Variants in GPR39 observed in about 807,000 individuals in gnomAD.
GPR39 encodes the protein G protein-coupled receptor 39.
GPR39 carries 23 observed loss-of-function variants against 18.4 expected under a neutral mutation model. The ratio of observed to expected loss-of-function variants is 1.25; its 90% CI spans 0.90 to 1.77. The LOEUF is 1.77. Ranked by LOEUF, GPR39 falls within the 40% of genes most tolerant of loss-of-function variation. GPR39 has a pLI of 0.00. For missense variants in GPR39, 647 were observed against 602.4 expected (o/e 1.07, Z -0.78); for synonymous variants, 280 against 257.9 (o/e 1.09, Z -0.82).
chr2:132,573,347 T>G (rs1680475631), intron 1 of GPR39, among the ~76,000 whole-genome samples: 1 of 152,120 alleles, frequency 6.6e-6, no homozygotes, highest in Non-Finnish European at 1.5e-5. Context: ...TGTTTCTCAT[T>G]TTGTTGACCA....
intron 1 of GPR39, among the ~76,000 whole-genome samples, chr2:132,518,193 A>C (rs1183639142): frequency 6.6e-6 from 1 of 152,176 alleles, no homozygotes; most frequent in Non-Finnish European, 1.5e-5. Flanking sequence ...AATAATCATA[A>C]TTTTATTATA....
At chr2:132,614,916 A>G (rs976833155) in intron 1 of GPR39, among the ~76,000 whole-genome samples, 14 of 152,134 alleles carry the variant, frequency 9.2e-5, no homozygotes, top group Admixed American at 7.9e-4. Context: ...TACTCCAATA[A>G]TCAAGACCAC....
intron 1 of GPR39, among the ~76,000 whole-genome samples, chr2:132,503,423 C>T (rs1290535848): frequency 1.3e-5 from 2 of 152,158 alleles, no homozygotes; most frequent in African/African-American, 2.4e-5. Context: ...TGATATGACC[C>T]GTCTTCAGAT....
chr2:132,557,400 G>A (rs10928428), intron 1 of GPR39, among the ~76,000 whole-genome samples: 79,944 of 152,010 alleles, frequency 0.53, 22,012 homozygotes, highest in East Asian at 0.91. Flanking sequence ...GACAAAATAA[G>A]CACTAAGCAT....
At chr2:132,602,596 G>C (rs571622145) in intron 1 of GPR39, among the ~76,000 whole-genome samples, 1 of 152,162 alleles carries the variant, frequency 6.6e-6, no homozygotes, top group African/African-American at 2.4e-5. Context: ...TGGGTGAAGA[G>C]AAAACCTGTA....
chr2:132,570,212 C>G (rs1680418772), intron 1 of GPR39, among the ~76,000 whole-genome samples: 1 of 152,090 alleles, frequency 6.6e-6, no homozygotes, highest in African/African-American at 2.4e-5. Context: ...CACCTTTATC[C>G]AGGCTTCAAC....
rs372488372 is a variant in GPR39 at position 132,568,197 on chromosome 2, C to T, written c.857-76904C>T. Among the ~76,000 whole-genome samples the T allele has an allele frequency of 7.0e-4, 107 of 152,190 alleles. 1 individual carries two copies. Among genetic ancestry groups the T allele is most frequent in the Middle Eastern group, 3.4e-3 (1 of 294 alleles). On this transcript the variant is annotated intron_variant, in intron 1 of 1. Transcript: ENST00000329321. ...GATAGGGCAAACAATGCCAGTTTGGCAGATGAAACATGAGAATGCAGGGAT... is the reference window on the plus strand; with the variant it reads ...GATAGGGCAAACAATGCCAGTTTGGTAGATGAAACATGAGAATGCAGGGAT...
intron 1 of GPR39, among the ~76,000 whole-genome samples, chr2:132,635,717 C>T (rs751220124): frequency 1.1e-4 from 16 of 152,128 alleles, no homozygotes; most frequent in Non-Finnish European, 5.9e-5. Flanking sequence ...GTGTCCCTCT[C>T]AAGTCATACA....
rs1358062143 is a variant in GPR39, at chr2:132,417,726, C to CG, written c.685dup (p.Val229GlyfsTer178). The CG allele has an allele frequency of 6.2e-7, 1 of 1,614,106 alleles. No homozygotes were observed. Among genetic ancestry groups the CG allele is most frequent in the Non-Finnish European group, 8.5e-7 (1 of 1,180,056 alleles). ...TCCAGTCCAGCATCTTCGGCGCCTT[C>CG]GTGGTCTACCTCGTGGTCCTGCTCT... On this transcript the variant is annotated frameshift_variant, in exon 1 of 2. Transcript: ENST00000329321. LOFTEE classifies it high-confidence loss of function.
At chr2:132,624,930 T>G (rs1558862891) in intron 1 of GPR39, among the ~76,000 whole-genome samples, 1 of 152,194 alleles carries the variant, frequency 6.6e-6, no homozygotes, top group East Asian at 1.9e-4. Flanking sequence ...CCCTTTTCTC[T>G]TTGCATATAC....
At chr2:132,618,535 G>A (rs1490326296) in intron 1 of GPR39, among the ~76,000 whole-genome samples, 1 of 152,150 alleles carries the variant, frequency 6.6e-6, no homozygotes, top group African/African-American at 2.4e-5. Context: ...GGGACAAAGA[G>A]TGAAGAAGAG....
chr2:132,442,964 G>C (rs1302488202), intron 1 of GPR39, among the ~76,000 whole-genome samples: 1 of 152,098 alleles, frequency 6.6e-6, no homozygotes, highest in Non-Finnish European at 1.5e-5. Context: ...TTTTTAAATG[G>C]TTAATAAGAT....
intron 1 of GPR39, among the ~76,000 whole-genome samples, chr2:132,621,610 G>C (rs569693644): frequency 6.6e-6 from 1 of 152,300 alleles, no homozygotes; most frequent in South Asian, 2.1e-4. Context: ...CACTTGTCAA[G>C]TTGCCATTTT....
At chr2:132,446,358 A>G (rs781003095) in intron 1 of GPR39, among the ~76,000 whole-genome samples, 16 of 152,224 alleles carry the variant, frequency 1.1e-4, no homozygotes, top group African/African-American at 3.6e-4. Flanking sequence ...AAAGACAGAC[A>G]CGCACATAAA....
intron 1 of GPR39, among the ~76,000 whole-genome samples, chr2:132,610,581 A>G (rs1681220530): frequency 6.6e-6 from 1 of 152,020 alleles, no homozygotes; most frequent in South Asian, 2.1e-4. Context: ...GTTCAAGACC[A>G]GTGTGGCCAA....
chr2:132,557,602 A>T (rs1680176888), intron 1 of GPR39, among the ~76,000 whole-genome samples: 1 of 151,706 alleles, frequency 6.6e-6, no homozygotes, highest in South Asian at 2.1e-4. Context: ...TGAGAGAGAG[A>T]GAGAGAGAGA....
At chr2:132,622,558 A>G (rs1223686289) in intron 1 of GPR39, among the ~76,000 whole-genome samples, 3 of 152,222 alleles carry the variant, frequency 2.0e-5, no homozygotes, top group Non-Finnish European at 4.4e-5. Flanking sequence ...CAGAAATTGC[A>G]GGTAAAGCCA....
At chr2:132,440,739 A>G (rs1367476445) in intron 1 of GPR39, among the ~76,000 whole-genome samples, 3 of 152,068 alleles carry the variant, frequency 2.0e-5, no homozygotes, top group Non-Finnish European at 4.4e-5. Flanking sequence ...TTTTTCAGTC[A>G]CTGAGATTTA....
chr2:132,609,887 C>T (rs904193805), intron 1 of GPR39, among the ~76,000 whole-genome samples: 5 of 152,116 alleles, frequency 3.3e-5, no homozygotes, highest in Non-Finnish European at 5.9e-5. Context: ...TCCATTGTCA[C>T]CTCTGACTAC....
Sources: allele counts gnomAD v4.1 joint callset (sites outside exome capture counted in the v4.1 genomes callset), GRCh38; gene constraint gnomAD v4.1.1; transcripts MANE v1.5; gene names NCBI Gene and HGNC (gene_info 2026-07-23, HGNC 2026-07-21).